Variants in SLC51B observed in about 807,000 individuals in gnomAD.
SLC51B encodes SLC51 subunit beta, also known as organic solute transporter subunit beta.
SLC51B carries 6 observed loss-of-function variants against 8.0 expected under a neutral mutation model. The ratio of observed to expected loss-of-function variants is 0.75; its 90% CI spans 0.41 to 1.48. The LOEUF (loss-of-function observed/expected upper bound fraction) is 1.48, where lower values mean the gene tolerates loss of function less well. SLC51B is among the 40% of genes most tolerant of loss of function. SLC51B has a pLI of 0.01. For synonymous variants in SLC51B, 61 were observed against 54.8 expected (o/e 1.11, Z -0.50); for missense variants, 150 against 149.7 (o/e 1.00, Z -0.01).
At chr15:65,052,682 C>T (rs1352741896) in intron 3 of SLC51B, among the ~76,000 whole-genome samples, 2 of 152,124 alleles carry the variant, frequency 1.3e-5, no homozygotes. Flanking sequence ...CAGGTGTGAG[C>T]CACTGCACCT....
rs536258415 is a variant in SLC51B, at chr15:65,051,751, G to T, written c.188+146G>T. 3.7e-5 allele frequency: 23 copies of T among 620,324 alleles called. No homozygotes were observed. The East Asian group carries it at 6.5e-4, about 18-fold the overall frequency. 38.4% of individuals were successfully genotyped at this position (620,324 alleles called of 1,614,324 possible). A position where few individuals can be genotyped will look rare whatever the true frequency, so the allele number is the denominator to read the frequency against. On this transcript the variant is annotated intron_variant, in intron 3 of 3. Transcript: ENST00000334287. Reference sequence around the variant, plus strand: ...AAATTCAGCCTTCAGTGTCCTTCGAGAACCCCAAGCTGTTAAAAACAAACA... The same window carrying T: ...AAATTCAGCCTTCAGTGTCCTTCGATAACCCCAAGCTGTTAAAAACAAACA...
At chr15:65,047,043 C>T (rs1210808653) in intron 1 of SLC51B, among the ~76,000 whole-genome samples, 1 of 152,070 alleles carries the variant, frequency 6.6e-6, no homozygotes, top group Non-Finnish European at 1.5e-5. Context: ...GGTATAAGTA[C>T]AATAATACCT....
intron 1 of SLC51B, among the ~76,000 whole-genome samples, chr15:65,046,837 C>T (rs1264974782): frequency 6.8e-6 from 1 of 146,424 alleles, no homozygotes; most frequent in African/African-American, 2.5e-5. Flanking sequence ...CGCCTGTGCC[C>T]GGGAGATGGA....
chr15:65,049,004 C>A (rs1301098201), intron 1 of SLC51B, among the ~76,000 whole-genome samples: 2 of 114,296 alleles, frequency 1.7e-5, no homozygotes, highest in Non-Finnish European at 3.5e-5. Flanking sequence ...AGTGAGACTC[C>A]GTCTCAAAAA....
At chr15:65,050,171 G>A (rs760314337) in intron 2 of SLC51B, 70 bp downstream of exon 2, 16 of 1,266,704 alleles carry the variant, frequency 1.3e-5, no homozygotes, top group Non-Finnish European at 1.8e-5. Flanking sequence ...TTGGCTGAAG[G>A]TCCTGACACT....
chr15:65,052,825 T>G, intron 3 of SLC51B, 141 bp from the exon 4 acceptor site: 5 of 688,828 alleles, frequency 7.3e-6, no homozygotes, highest in African/African-American at 1.8e-5. Flanking sequence ...TGAAGGAATA[T>G]CCAACCATTG....
chr15:65,047,677 C>T (rs555459987), intron 1 of SLC51B, among the ~76,000 whole-genome samples: 1 of 152,288 alleles, frequency 6.6e-6, no homozygotes, highest in African/African-American at 2.4e-5. Flanking sequence ...GTGCTCTGGA[C>T]AGTCAGTTGG....
chr15:65,050,833 C>CTTTTTTT (rs67418433), intron 2 of SLC51B, among the ~76,000 whole-genome samples: 3 of 88,592 alleles, frequency 3.4e-5, no homozygotes, highest in Non-Finnish European at 6.1e-5. Context: ...TCTTCTTCTT[C>CTTTTTTT]TTCTTTTTTT....
chr15:65,045,726 T>A (rs759891945), intron 1 of SLC51B, 144 bp downstream of exon 1: 1 of 152,308 alleles, frequency 6.6e-6, no homozygotes, highest in Admixed American at 6.5e-5. Flanking sequence ...AAATGCAGTA[T>A]GACATCCTAA....
At chr15:65,049,748 G>T in intron 1 of SLC51B, 149 bp from the exon 2 acceptor site, 1 of 379,050 alleles carries the variant, frequency 2.6e-6, no homozygotes, top group Non-Finnish European at 4.8e-6. Flanking sequence ...CCCACTTCCA[G>T]TCTCTGCCCC....
intron 1 of SLC51B, 84 bp from the exon 2 acceptor site, chr15:65,049,813 G>T: frequency 3.6e-4 from 146 of 404,202 alleles, no homozygotes; most frequent in Middle Eastern, 6.7e-4. Flanking sequence ...CCATAACTTT[G>T]GGCCAGAGGA....
rs895468071 is a variant in SLC51B at position 65,045,586 on chromosome 15, A to C, written c.-109+4A>C. Reference sequence around the variant, plus strand: ...CGTCAGGAACTCAGGATCCGGGGTGAGTGTCCTCATCTTGCCTTGGGGATG... The same window carrying C: ...CGTCAGGAACTCAGGATCCGGGGTGCGTGTCCTCATCTTGCCTTGGGGATG... On this transcript the variant is annotated splice_donor_region_variant and intron_variant, in intron 1 of 3. Coordinates refer to ENST00000334287, the MANE Select transcript of SLC51B (RefSeq NM_178859.4). 2.6e-5 allele frequency: 4 copies of C among 152,304 alleles called. No homozygotes were observed. The highest frequency in any genetic ancestry group is 9.6e-5 in the African/African-American group (4 of 41,468). The allele number at this position is 152,304 out of a possible 1,614,324, so 9.4% of individuals were successfully genotyped here.
chr15:65,048,801 G>C (rs2086608698), intron 1 of SLC51B, among the ~76,000 whole-genome samples: 1 of 152,124 alleles, frequency 6.6e-6, no homozygotes, highest in East Asian at 1.9e-4. Flanking sequence ...CTGAGGTCAA[G>C]AGTTCGAGAC....
chr15:65,051,458 G>A (rs530050498), intron 2 of SLC51B, 57 bp from the exon 3 acceptor site: 25 of 1,543,972 alleles, frequency 1.6e-5, no homozygotes, highest in South Asian at 3.4e-5. Context: ...AGCTGTTAGC[G>A]GGCTTGAGAG....
At chr15:65,052,459 G>C (rs941567075) in intron 3 of SLC51B, among the ~76,000 whole-genome samples, 11 of 145,382 alleles carry the variant, frequency 7.6e-5, no homozygotes, top group Non-Finnish European at 1.2e-4. Context: ...GGAGTGCAGT[G>C]GCACAATCTC....
intron 2 of SLC51B, 30 bp downstream of exon 2, chr15:65,050,131 G>T: frequency 6.5e-7 from 1 of 1,528,294 alleles, no homozygotes. Flanking sequence ...CGGCAGGGGT[G>T]GGGGTGTGCC....
At chr15:65,052,070 A>T (rs2086661004) in intron 3 of SLC51B, among the ~76,000 whole-genome samples, 1 of 152,178 alleles carries the variant, frequency 6.6e-6, no homozygotes, top group Admixed American at 6.5e-5. Flanking sequence ...ACCAATCTGG[A>T]GAGAGGACAG....
intron 1 of SLC51B, 136 bp from the exon 2 acceptor site, chr15:65,049,761 C>A (rs2086625187): frequency 2.5e-6 from 1 of 402,572 alleles, no homozygotes; most frequent in Non-Finnish European, 4.5e-6. Context: ...TCTGCCCCTC[C>A]AGGCTCCACG....
intron 2 of SLC51B, 49 bp from the exon 3 acceptor site, chr15:65,051,466 G>A: frequency 6.3e-7 from 1 of 1,579,142 alleles, no homozygotes; most frequent in South Asian, 1.1e-5. Flanking sequence ...GCGGGCTTGA[G>A]AGGTGCCTGG....
Sources: allele counts gnomAD v4.1 joint callset (sites outside exome capture counted in the v4.1 genomes callset), GRCh38; gene constraint gnomAD v4.1.1; transcripts MANE v1.5; gene names NCBI Gene and HGNC (gene_info 2026-07-23, HGNC 2026-07-21).